The following RGS12 variants were observed in gnomAD, a reference collection of about 807,000 sequenced individuals.
RGS12 encodes the protein regulator of G-protein signaling 12.
RGS12 carries 66 observed loss-of-function variants against 120.1 expected under a neutral mutation model. The ratio of observed to expected loss-of-function variants is 0.55; its 90% CI spans 0.45 to 0.67. The LOEUF (loss-of-function observed/expected upper bound fraction) is 0.67, where lower values mean the gene tolerates loss of function less well. Among genes scored for constraint, RGS12 ranks in the 30% least tolerant of loss-of-function variants. The probability of loss-of-function intolerance (pLI) is 0.00; values close to 1 mark genes in which losing one functional copy is unlikely to be tolerated. For synonymous variants in RGS12, 827 were observed against 804.7 expected (o/e 1.03, Z -0.47); for missense variants, 1,859 against 1,957.7 (o/e 0.95, Z 0.95).
chr4:3,381,172 A>T (rs1718224093), intron 3 of RGS12, among the ~76,000 whole-genome samples: 1 of 152,178 alleles, frequency 6.6e-6, no homozygotes, highest in East Asian at 1.9e-4. Flanking sequence ...CTACTTCCCA[A>T]CAAGTTCCTC....
chr4:3,305,442 A>G (rs1429157380), intron 1 of RGS12, among the ~76,000 whole-genome samples: 1 of 151,882 alleles, frequency 6.6e-6, no homozygotes, highest in Non-Finnish European at 1.5e-5. Flanking sequence ...GCATCTGCTC[A>G]GAGTCCCGCG....
In RGS12 at chr4:3,342,929, G is replaced by A. The variant is rs373982036; in HGVS notation, c.1882-8G>A. 1.6e-5 allele frequency: 25 copies of A among 1,596,724 alleles called. No individual in the cohort carries two copies. The East Asian group carries it at 2.0e-4, about 13-fold the overall frequency. On this transcript the variant is annotated splice_region_variant and splice_polypyrimidine_tract_variant and intron_variant, in intron 2 of 17. Transcript: ENST00000336727. ...GAATAACCTGATGCCTTTTTTCTTC[G>A]TGTTTAGGGCTCAAAATTTGGGCGG...
intron 1 of RGS12, among the ~76,000 whole-genome samples, chr4:3,303,304 A>G (rs768120424): frequency 6.6e-6 from 1 of 152,134 alleles, no homozygotes; most frequent in Non-Finnish European, 1.5e-5. Context: ...CCACCATGCA[A>G]GGTGAGCCTC....
chr4:3,329,290 T>C (rs1711564111), intron 2 of RGS12, among the ~76,000 whole-genome samples: 1 of 152,092 alleles, frequency 6.6e-6, no homozygotes, highest in Non-Finnish European at 1.5e-5. Flanking sequence ...GAGATCTGTT[T>C]TCTTTGGTGT....
At chr4:3,439,093 G>T (rs535864992) in intron 17 of RGS12, among the ~76,000 whole-genome samples, 2 of 152,156 alleles carry the variant, frequency 1.3e-5, no homozygotes, top group South Asian at 2.1e-4. Context: ...GGCCTGGGGG[G>T]GCCCCTGAGG....
intron 4 of RGS12, among the ~76,000 whole-genome samples, chr4:3,388,840 T>A (rs1243549337): frequency 6.6e-6 from 1 of 152,146 alleles, no homozygotes; most frequent in Non-Finnish European, 1.5e-5. Context: ...AGTGGGAGAC[T>A]CAGTGCACTG....
At position 3,328,028 on chromosome 4, in the gene RGS12, G is replaced by A. The variant is rs181392494; in HGVS notation, c.1881+9977G>A. ...TGGATGAATGGATAAAGGAAACATG[G>A]CATCTATACCCAATGGAATACTATT... On this transcript the variant is annotated intron_variant, in intron 2 of 17. Transcript: ENST00000336727. Among the ~76,000 whole-genome samples, 13 of 152,354 alleles carry A rather than the reference G, an allele frequency of 8.5e-5. No individual in the cohort carries two copies. In the East Asian group the frequency reaches 2.5e-3, roughly 29 times the overall value.
chr4:3,371,165 A>G (rs910804803), intron 3 of RGS12, among the ~76,000 whole-genome samples: 3 of 152,250 alleles, frequency 2.0e-5, no homozygotes, highest in Non-Finnish European at 4.4e-5. Flanking sequence ...GGGCAGGGCC[A>G]GCATGAGCCT....
At chr4:3,357,974 C>T (rs539971237) in intron 3 of RGS12, among the ~76,000 whole-genome samples, 1 of 152,318 alleles carries the variant, frequency 6.6e-6, no homozygotes, top group East Asian at 1.9e-4. Context: ...TCAAGTCTGT[C>T]CATCCATCAA....
chr4:3,379,009 G>A (rs1164541019), intron 3 of RGS12, among the ~76,000 whole-genome samples: 2 of 49,034 alleles, frequency 4.1e-5, no homozygotes, highest in South Asian at 3.1e-3. Context: ...TGTGCGATGT[G>A]TGTGTGTGTG....
At chr4:3,331,992 C>T (rs1711903426) in intron 2 of RGS12, among the ~76,000 whole-genome samples, 4 of 152,280 alleles carry the variant, frequency 2.6e-5, no homozygotes, top group Admixed American at 2.6e-4. Context: ...GCAGTGAGGA[C>T]AGCTTCAGGC....
intron 2 of RGS12, among the ~76,000 whole-genome samples, chr4:3,323,052 G>A (rs148340910): frequency 0.015 from 2,246 of 152,268 alleles, 52 homozygotes; most frequent in South Asian, 0.095. Context: ...TCTGAAAATC[G>A]CGCTCATAAA....
At position 3,431,315 on chromosome 4, in the gene RGS12, C is replaced by T. The variant is rs1377424904; in HGVS notation, c.4114+360C>T. 18 of 1,112,778 alleles carry T rather than the reference C, an allele frequency of 1.6e-5. No homozygotes were observed. In the East Asian group the frequency reaches 6.1e-4, roughly 38 times the overall value. The allele number at this position is 1,112,778 out of a possible 1,614,324, so 68.9% of individuals were successfully genotyped here. A position where few individuals can be genotyped will look rare whatever the true frequency, so the allele number is the denominator to read the frequency against. ...TTCCTTTCCAAATCTGGACAGCGATCGTTTTTAGTGTTTCTGTCTCAAGAC... is the reference window on the plus strand; with the variant it reads ...TTCCTTTCCAAATCTGGACAGCGATTGTTTTTAGTGTTTCTGTCTCAAGAC... On this transcript the variant is annotated intron_variant, in intron 17 of 17. Transcript: ENST00000336727.
Position 3,417,467 on chromosome 4 carries a change from C to T in RGS12, c.2687C>T (p.Ala896Val), listed in dbSNP as rs574387806. 2.5e-5 allele frequency: 40 copies of T among 1,613,042 alleles called. No individual in the cohort carries two copies. The highest frequency in any genetic ancestry group is 1.8e-4 in the South Asian group (16 of 91,056). ...DEDSEKKRKG[A>V]FFSWSRTRST... is the part of the protein sequence containing the mutation. Reference sequence around the variant, plus strand: ...GACAGCGAGAAGAAGCGGAAAGGCGCGTTTTTCTCGTGGTCGCGGACCAGG... The same window carrying T: ...GACAGCGAGAAGAAGCGGAAAGGCGTGTTTTTCTCGTGGTCGCGGACCAGG... Residue 896 changes from alanine (A) to valine (V), a missense_variant, in exon 9 of 18, where the codon GCG becomes GTG. Ala to Val is a moderately conservative substitution (Grantham distance 64). Coordinates refer to ENST00000336727, the MANE Select transcript of RGS12 (RefSeq NM_001394154.1).
intron 2 of RGS12, among the ~76,000 whole-genome samples, chr4:3,332,457 C>G (rs998259149): frequency 1.3e-5 from 2 of 152,190 alleles, no homozygotes; most frequent in African/African-American, 2.4e-5. Flanking sequence ...ATACACAGAG[C>G]CACTAAAGAA....
intron 4 of RGS12, among the ~76,000 whole-genome samples, chr4:3,408,086 T>C (rs1047284631): frequency 6.6e-5 from 10 of 152,198 alleles, no homozygotes; most frequent in Non-Finnish European, 1.2e-4. Context: ...AGATCACAAG[T>C]GTGGGTTTGA....
At chr4:3,312,769 C>T (rs112177075) in intron 1 of RGS12, 9 of 214,992 alleles carry the variant, frequency 4.2e-5, no homozygotes, top group Admixed American at 1.4e-4. Context: ...TCCTGATGTC[C>T]GGGGAATATT....
chr4:3,406,757 G>T (rs1166126474), intron 4 of RGS12, among the ~76,000 whole-genome samples: 1 of 152,226 alleles, frequency 6.6e-6, no homozygotes, highest in Non-Finnish European at 1.5e-5. Context: ...GGGGGCAGGA[G>T]CAACAGAGGT....
chr4:3,416,145 G>T, intron 7 of RGS12, 24 bp downstream of exon 7: 7 of 1,613,228 alleles, frequency 4.3e-6, no homozygotes, highest in Non-Finnish European at 5.1e-6. Context: ...GTGGGAGCTT[G>T]TGGGGAGTCC....
Sources: gnomAD v4.1 joint callset for allele counts (sites outside exome capture counted in the v4.1 genomes callset) on GRCh38, gnomAD v4.1.1 for gene constraint, MANE v1.5 for transcripts, NCBI Gene and HGNC (gene_info 2026-07-23, HGNC 2026-07-21) for gene names.